Variants in ABCA13 observed in about 807,000 individuals in gnomAD.
ABCA13 encodes ATP binding cassette subfamily A member 13, also known as ATP-binding cassette sub-family A member 13.
In ABCA13, 476 loss-of-function variants were observed where a neutral mutation model predicts 478.7. That is an observed-to-expected ratio of 0.99 (90% CI 0.92 to 1.07). The LOEUF (loss-of-function observed/expected upper bound fraction) is 1.07, where lower values mean the gene tolerates loss of function less well. ABCA13 is among the 50% of genes least tolerant of loss of function. ABCA13 has a pLI of 0.00. For missense variants in ABCA13, 6,060 were observed against 5,910.6 expected (o/e 1.03, Z -0.83); for synonymous variants, 2,252 against 2,158.9 (o/e 1.04, Z -1.20).
chr7:48,521,934 C>T (rs903304535), intron 53 of ABCA13, among the ~76,000 whole-genome samples: 2 of 148,984 alleles, frequency 1.3e-5, no homozygotes, highest in African/African-American at 5.0e-5. Context: ...TCTAACTAAG[C>T]CACTAATCAT....
chr7:48,524,480 C>G, intron 54 of ABCA13, 40 bp downstream of exon 54: 1 of 1,537,774 alleles, frequency 6.5e-7, no homozygotes. Context: ...CTGTTGTGAA[C>G]CTGTACAACT....
chr7:48,600,327 AGATT>A (rs1394748630), intron 58 of ABCA13, among the ~76,000 whole-genome samples: 1 of 151,380 alleles, frequency 6.6e-6, no homozygotes, highest in African/African-American at 2.4e-5. Context: ...TGTTTCCTAT[AGATT>A]GTGTATAGTT....
intron 31 of ABCA13, among the ~76,000 whole-genome samples, chr7:48,357,179 A>C (rs184864325): frequency 2.3e-3 from 356 of 152,042 alleles, no homozygotes; most frequent in South Asian, 3.7e-3. Context: ...TTAAAAAAAA[A>C]TCAGCTTGAT....
intron 58 of ABCA13, among the ~76,000 whole-genome samples, chr7:48,613,849 T>C (rs904938445): frequency 1.3e-5 from 2 of 148,152 alleles, no homozygotes; most frequent in African/African-American, 4.9e-5. Context: ...TATTATAATA[T>C]ATTTTCATTA....
rs200823406 is a variant in ABCA13 at position 48,590,258 on chromosome 7, GAAT to G, written c.14640+2975_14640+2977del. On this transcript the variant is annotated intron_variant, in intron 57 of 61. Coordinates refer to ENST00000435803, the MANE Select transcript of ABCA13 (RefSeq NM_152701.5). ...GAAGGATTTCCTTATTTTTCAGGCA[GAAT>G]AATATTTCATTACACACACACACAC... 7.4e-3 allele frequency among the ~76,000 whole-genome samples: 1,094 copies of G among 148,170 alleles called. 12 individuals are homozygous for G. Among genetic ancestry groups the G allele is most frequent in the African/African-American group, 0.026 (1,013 of 39,098 alleles).
chr7:48,610,935 G>A (rs552687113), intron 58 of ABCA13, among the ~76,000 whole-genome samples: 58 of 152,300 alleles, frequency 3.8e-4, no homozygotes, highest in African/African-American at 1.4e-3. Flanking sequence ...TATGATGCGA[G>A]GGGGGCTGCC....
chr7:48,448,111 G>A (rs1471902841), intron 42 of ABCA13, among the ~76,000 whole-genome samples: 3 of 152,302 alleles, frequency 2.0e-5, no homozygotes, highest in Non-Finnish European at 4.4e-5. Context: ...GAGTCCACAT[G>A]CCTGCCTGCA....
intron 59 of ABCA13, among the ~76,000 whole-genome samples, chr7:48,641,235 T>A (rs1795081131): frequency 6.6e-6 from 1 of 152,214 alleles, no homozygotes; most frequent in Admixed American, 6.5e-5. Flanking sequence ...CATACAGCCA[T>A]CTCTGTGCCA....
At position 48,335,565 on chromosome 7, in the gene ABCA13, T is replaced by TG. The variant is rs1278431403; in HGVS notation, c.10113+34dup. 1.9e-6 allele frequency: 3 copies of TG among 1,576,402 alleles called. No homozygotes were observed. In the African/African-American group the frequency reaches 4.1e-5, roughly 21 times the overall value. On this transcript the variant is annotated intron_variant, in intron 28 of 61. Coordinates refer to ENST00000435803, the MANE Select transcript of ABCA13 (RefSeq NM_152701.5). Reference sequence around the variant, plus strand: ...GTGGTTGGTCTTTGCCACCGAGGGATGGGGAGCTACTGCTAGGGCATGTCC... The same window carrying TG: ...GTGGTTGGTCTTTGCCACCGAGGGATGGGGGAGCTACTGCTAGGGCATGTCC...
chr7:48,172,559 G>A (rs921575734), intron 1 of ABCA13, among the ~76,000 whole-genome samples: 2 of 152,036 alleles, frequency 1.3e-5, no homozygotes, highest in Admixed American at 6.5e-5. Flanking sequence ...ACTTTGGGAG[G>A]CCGAGGCGGG....
intron 3 of ABCA13, among the ~76,000 whole-genome samples, chr7:48,207,810 T>A (rs190496023): frequency 1.3e-4 from 20 of 152,248 alleles, no homozygotes; most frequent in Non-Finnish European, 2.4e-4. Flanking sequence ...GAGCTTGATG[T>A]GATCCATTTG....
intron 32 of ABCA13, among the ~76,000 whole-genome samples, chr7:48,370,836 A>G (rs573617572): frequency 1.3e-5 from 2 of 152,308 alleles, no homozygotes; most frequent in Non-Finnish European, 2.9e-5. Context: ...GAGAAACAAG[A>G]ACAATAGAAA....
chr7:48,572,900 C>T (rs1038192521), intron 55 of ABCA13, among the ~76,000 whole-genome samples: 2 of 152,012 alleles, frequency 1.3e-5, no homozygotes, highest in Non-Finnish European at 2.9e-5. Flanking sequence ...GATTCAATTT[C>T]GTTTTACATG....
chr7:48,482,645 C>T (rs183821086), intron 46 of ABCA13, among the ~76,000 whole-genome samples: 13 of 152,148 alleles, frequency 8.5e-5, no homozygotes, highest in Admixed American at 7.9e-4. Flanking sequence ...CCATCTGCCT[C>T]GGCCTCCCAA....
At position 48,408,941 on chromosome 7, in the gene ABCA13, G is replaced by A. The variant is rs528768831; in HGVS notation, c.12071-1579G>A. Among the ~76,000 whole-genome samples the A allele has an allele frequency of 5.3e-5, 8 of 152,188 alleles. No individual in the cohort carries two copies. The East Asian group carries it at 9.7e-4, about 18-fold the overall frequency. ...CTCCCACTTGTAAGTGAGAACATGC[G>A]GTGTTTGGTTTTCTGTTCCTGCATT... On this transcript the variant is annotated intron_variant, in intron 39 of 61. Transcript: ENST00000435803.
intron 16 of ABCA13, among the ~76,000 whole-genome samples, chr7:48,271,227 CT>C (rs1795563892): frequency 6.6e-6 from 1 of 152,204 alleles, no homozygotes; most frequent in African/African-American, 2.4e-5. Flanking sequence ...CTTACAGTGT[CT>C]GAGTTGCTCT....
chr7:48,316,303 T>C lies in ABCA13; in HGVS notation c.9860-854T>C, dbSNP rs189441429. ...ACAGTTCAGTAGTAACTTGTAAAGC[T>C]AACTTCATAAAAAAAGCTCAGTTCC... On this transcript the variant is annotated intron_variant, in intron 26 of 61. Coordinates refer to ENST00000435803, the MANE Select transcript of ABCA13 (RefSeq NM_152701.5). Among the ~76,000 whole-genome samples, 53 of 152,356 alleles carry C rather than the reference T, an allele frequency of 3.5e-4. 1 individual carries two copies. In the South Asian group the frequency reaches 5.6e-3, roughly 16 times the overall value.
chr7:48,514,462 A>G (rs1433260796), intron 51 of ABCA13, among the ~76,000 whole-genome samples: 1 of 152,208 alleles, frequency 6.6e-6, no homozygotes, highest in Non-Finnish European at 1.5e-5. Flanking sequence ...GTTCCAGAAT[A>G]TAGAGTTTGA....
intron 41 of ABCA13, among the ~76,000 whole-genome samples, chr7:48,416,240 C>T (rs1819964799): frequency 6.6e-6 from 1 of 152,182 alleles, no homozygotes; most frequent in African/African-American, 2.4e-5. Flanking sequence ...CCTGTTGAAA[C>T]TTGAAGAACT....
Sources: allele counts gnomAD v4.1 joint callset (sites outside exome capture counted in the v4.1 genomes callset), GRCh38; gene constraint gnomAD v4.1.1; transcripts MANE v1.5; gene names NCBI Gene and HGNC (gene_info 2026-07-23, HGNC 2026-07-21).